KLRD1: variants seen among roughly 807,000 people sequenced by gnomAD.
The protein encoded by KLRD1 is killer cell lectin like receptor D1, also known as natural killer cells antigen CD94.
KLRD1 carries 21 observed loss-of-function variants against 22.6 expected under a neutral mutation model. The ratio of observed to expected loss-of-function variants is 0.93; its 90% CI spans 0.66 to 1.34. KLRD1 has a LOEUF of 1.34. KLRD1 is among the 40% of genes most tolerant of loss of function. KLRD1 has a pLI of 0.00. For synonymous variants in KLRD1, 59 were observed against 71.1 expected (o/e 0.83, Z 0.85); for missense variants, 183 against 208.6 (o/e 0.88, Z 0.76).
chr12:10,322,731 C>T lies in KLRD1; in HGVS notation c.*7938C>T, dbSNP rs374417681. The T allele has an allele frequency of 1.4e-4, 21 of 152,238 alleles. No individual in the cohort carries two copies. Among genetic ancestry groups the T allele is most frequent in the African/African-American group, 4.1e-4 (17 of 41,536 alleles). The allele number at this position is 152,238 out of a possible 1,614,324, so 9.4% of individuals were successfully genotyped here. A position where few individuals can be genotyped will look rare whatever the true frequency, so the allele number is the denominator to read the frequency against. ...AAAGAATACCTATCTTAAATTTACT[C>T]GTAAACATTTAAGCTATGTCTACAC... On this transcript the variant is annotated 3_prime_UTR_variant, in exon 6 of 6. Transcript: ENST00000336164.
At chr12:10,259,222 A>G (rs12581396) in intron 1 of KLRD1, among the ~76,000 whole-genome samples, 2,927 of 152,262 alleles carry the variant, frequency 0.019, 74 homozygotes, top group East Asian at 0.068. Context: ...CTAATATGCA[A>G]TTCTTCTTAT....
chr12:10,241,468 A>G (rs1949240219), intron 1 of KLRD1, among the ~76,000 whole-genome samples: 1 of 152,206 alleles, frequency 6.6e-6, no homozygotes, highest in East Asian at 1.9e-4. Context: ...TTAAATGTTA[A>G]TGTGCTACAT....
chr12:10,304,051 G>A (rs911361508), upstream of KLRD1, among the ~76,000 whole-genome samples: 47 of 152,180 alleles, frequency 3.1e-4, no homozygotes, highest in Non-Finnish European at 1.2e-4. Flanking sequence ...CTTCAAGAAG[G>A]TAACATAAAG....
At chr12:10,277,115 T>G (rs910798642) in intron 1 of KLRD1, among the ~76,000 whole-genome samples, 3 of 93,640 alleles carry the variant, frequency 3.2e-5, no homozygotes, top group Non-Finnish European at 5.8e-5. Flanking sequence ...CCTCACAGAG[T>G]TTTTTTTTTT....
At chr12:10,241,956 A>G (rs1795099770) in intron 1 of KLRD1, among the ~76,000 whole-genome samples, 1 of 151,926 alleles carries the variant, frequency 6.6e-6, no homozygotes, top group South Asian at 2.1e-4. Flanking sequence ...GGCTTTCATG[A>G]CATCACAATC....
upstream of KLRD1, among the ~76,000 whole-genome samples, chr12:10,306,452 G>A (rs1949930438): frequency 6.6e-6 from 1 of 152,150 alleles, no homozygotes; most frequent in Admixed American, 6.5e-5. Context: ...TCCAAATAAA[G>A]GTGGTTGTGT....
chr12:10,307,936 C>T lies in KLRD1; in HGVS notation c.-142C>T, dbSNP rs947961153. ...AACATCATTTAAATACACAATTTTT[C>T]ATTCTCTATTTTTGCTAAATTTCTT... is the stretch of plus-strand genomic sequence containing the variant. On this transcript the variant is annotated 5_prime_UTR_variant, in exon 1 of 6. Coordinates refer to ENST00000336164, the MANE Select transcript of KLRD1 (RefSeq NM_002262.5). The T allele has an allele frequency of 8.3e-6, 6 of 719,378 alleles. No individual in the cohort carries two copies. The highest frequency in any genetic ancestry group is 1.5e-5 in the Non-Finnish European group (6 of 410,478). The allele number at this position is 719,378 out of a possible 1,614,324, so 44.6% of individuals were successfully genotyped here. A position where few individuals can be genotyped will look rare whatever the true frequency, so the allele number is the denominator to read the frequency against.
intron 1 of KLRD1, among the ~76,000 whole-genome samples, chr12:10,299,110 G>T (rs1270416409): frequency 2.0e-5 from 3 of 151,476 alleles, no homozygotes; most frequent in Non-Finnish European, 2.9e-5. Flanking sequence ...ATCAATCTAG[G>T]ATTTACTCTG....
chr12:10,289,135 G>A (rs373796964), intron 1 of KLRD1, among the ~76,000 whole-genome samples: 1 of 152,102 alleles, frequency 6.6e-6, no homozygotes, highest in Non-Finnish European at 1.5e-5. Context: ...GACATTACGC[G>A]GGCTTTGGAA....
chr12:10,283,911 C>A (rs942545571), intron 1 of KLRD1, among the ~76,000 whole-genome samples: 3 of 151,406 alleles, frequency 2.0e-5, no homozygotes, highest in Non-Finnish European at 4.4e-5. Flanking sequence ...CATGGTGGCT[C>A]ATGCCTGTAA....
intron 1 of KLRD1, among the ~76,000 whole-genome samples, chr12:10,253,788 T>C (rs1371141661): frequency 6.6e-6 from 1 of 152,190 alleles, no homozygotes; most frequent in African/African-American, 2.4e-5. Context: ...ATGGTGTATA[T>C]GTACCACATT....
At chr12:10,304,397 C>T (rs922166743), upstream of KLRD1, 1 of 152,174 alleles carries the variant, frequency 6.6e-6, no homozygotes, top group Non-Finnish European at 1.5e-5. Flanking sequence ...GGAAGCCAGC[C>T]TCCATAAACC....
intron 1 of KLRD1, among the ~76,000 whole-genome samples, chr12:10,295,157 G>C (rs1386966533): frequency 6.6e-6 from 1 of 152,050 alleles, no homozygotes; most frequent in African/African-American, 2.4e-5. Context: ...AGAATATGTT[G>C]AATTTTTTCT....
Position 10,313,509 on chromosome 12 carries a change from T to C in KLRD1, c.415T>C (p.Tyr139His). The C allele has an allele frequency of 6.5e-7, 1 of 1,550,332 alleles. No individual in the cohort carries two copies. ...GGAGAATGGCTCTGCACTCTCCCAG[T>C]ATCTGTAAGTTTCTGGCAATCATGG... ...LWENGSALSQ[Y>H]LFPSFETFNT... Residue 139 changes from tyrosine to histidine, a missense_variant, in exon 5 of 6, where the codon TAT (tyrosine) becomes CAT (histidine). Physicochemically the swap from Tyr to His is moderately conservative, Grantham distance 83 (BLOSUM62 2). Coordinates refer to ENST00000336164, the MANE Select transcript of KLRD1 (RefSeq NM_002262.5).
chr12:10,285,153 C>T (rs750838207), intron 1 of KLRD1, among the ~76,000 whole-genome samples: 6 of 152,146 alleles, frequency 3.9e-5, no homozygotes, highest in Non-Finnish European at 8.8e-5. Context: ...ACCATGCTAG[C>T]AATGTTGCAT....
chr12:10,278,605 G>A (rs563419755), intron 1 of KLRD1, among the ~76,000 whole-genome samples: 1 of 152,210 alleles, frequency 6.6e-6, no homozygotes, highest in South Asian at 2.1e-4. Context: ...CTTAACTTGT[G>A]TATGCTATAT....
chr12:10,313,385 T>C, intron 4 of KLRD1, 25 bp from the exon 5 acceptor site: 1 of 1,327,724 alleles, frequency 7.5e-7, no homozygotes. Context: ...ATTAGATTAA[T>C]GTGATTGTCT....
At chr12:10,293,173 T>TATATATATATATATATATATATAC (rs1172260692) in intron 1 of KLRD1, among the ~76,000 whole-genome samples, 10 of 17,352 alleles carry the variant, frequency 5.8e-4, no homozygotes, top group Admixed American at 9.0e-4. Flanking sequence ...TATATACACA[T>TATATATATATATATATATATATAC]ATACACATAA....
chr12:10,242,090 T>C (rs1363114374), intron 1 of KLRD1, among the ~76,000 whole-genome samples: 2 of 150,480 alleles, frequency 1.3e-5, no homozygotes, highest in East Asian at 1.9e-4. Context: ...TTTTTTTTTT[T>C]CAGAGAAGAG....
Sources: gnomAD v4.1 joint callset for allele counts (sites outside exome capture counted in the v4.1 genomes callset) on GRCh38, gnomAD v4.1.1 for gene constraint, MANE v1.5 for transcripts, NCBI Gene and HGNC (gene_info 2026-07-23, HGNC 2026-07-21) for gene names.